MAGI2: variants seen among roughly 807,000 people sequenced by gnomAD.
MAGI2 encodes the protein membrane-associated guanylate kinase, WW and PDZ domain-containing protein 2.
Under a neutral mutation model 133.3 loss-of-function variants are expected in MAGI2, and 35 were observed. The observed-to-expected ratio is 0.26, with a 90% CI of 0.20 to 0.35. The LOEUF is 0.35. Among genes scored for constraint, MAGI2 ranks in the 10% least tolerant of loss-of-function variants. MAGI2 has a pLI of 1.00. For synonymous variants in MAGI2, 729 were observed against 710.6 expected, an observed-to-expected ratio of 1.03 and a Z score of -0.41; for missense variants, 1,636 against 1,863.4, an observed-to-expected ratio of 0.88 and a Z score of 2.25.
chr7:79,070,116 G>T (rs1018798451), intron 1 of MAGI2, among the ~76,000 whole-genome samples: 1 of 151,882 alleles, frequency 6.6e-6, no homozygotes, highest in African/African-American at 2.4e-5. Flanking sequence ...TATCTTTGTC[G>T]TGTTCTCTGT....
intron 2 of MAGI2, among the ~76,000 whole-genome samples, chr7:78,868,847 G>A (rs573394438): frequency 5.9e-5 from 9 of 152,008 alleles, no homozygotes; most frequent in Non-Finnish European, 8.8e-5. Context: ...TCCGCCTCCC[G>A]GGTTCACACC....
chr7:78,932,212 T>A (rs1800186437), intron 2 of MAGI2, among the ~76,000 whole-genome samples: 1 of 152,252 alleles, frequency 6.6e-6, no homozygotes, highest in African/African-American at 2.4e-5. Context: ...GGCCAAGACC[T>A]ATGTGCATTA....
At position 78,135,211 on chromosome 7, in the gene MAGI2, A is replaced by T. The variant is rs1305564951; in HGVS notation, c.2846-5T>A. 1.9e-6 allele frequency: 3 copies of T among 1,613,502 alleles called. No homozygotes were observed. The highest frequency in any genetic ancestry group is 1.7e-6 in the Non-Finnish European group (2 of 1,179,618). On this transcript the variant is annotated splice_region_variant and splice_polypyrimidine_tract_variant and intron_variant, in intron 16 of 21. Transcript: ENST00000354212. ...GTCCGATTTTATGGGGCACAGCTAA[A>T]AAAACCCCAACAGAAATAGGTATCA...
At chr7:78,621,486 C>T (rs936332422) in intron 3 of MAGI2, among the ~76,000 whole-genome samples, 2 of 151,930 alleles carry the variant, frequency 1.3e-5, no homozygotes, top group African/African-American at 4.8e-5. Flanking sequence ...AAAAGAGTCC[C>T]TTTACCAACA....
intron 1 of MAGI2, among the ~76,000 whole-genome samples, chr7:79,023,287 C>G (rs1809531874): frequency 6.6e-6 from 1 of 152,044 alleles, no homozygotes; most frequent in African/African-American, 2.4e-5. Flanking sequence ...ATTCAACATC[C>G]ATTCATTTAA....
Position 78,018,940 on chromosome 7 carries a change from A to G in MAGI2, c.*375T>C. 1 of 394,786 alleles carries G rather than the reference A, an allele frequency of 2.5e-6. No individual in the cohort carries two copies. 24.5% of individuals were successfully genotyped at this position (394,786 alleles called of 1,614,324 possible). A position where few individuals can be genotyped will look rare whatever the true frequency, so the allele number is the denominator to read the frequency against. On this transcript the variant is annotated 3_prime_UTR_variant, in exon 22 of 22. Coordinates refer to ENST00000354212, the MANE Select transcript of MAGI2 (RefSeq NM_012301.4). ...ATATTCCAGTTTGTGATTGCTCTTA[A>G]CTTTGTCCTGTTTCTTGATATAAAG...
intron 2 of MAGI2, among the ~76,000 whole-genome samples, chr7:78,635,695 C>G (rs908561007): frequency 2.0e-5 from 3 of 152,170 alleles, no homozygotes; most frequent in Non-Finnish European, 4.4e-5. Flanking sequence ...GGGTGACTTC[C>G]TCTGTATTTG....
chr7:79,280,102 T>C (rs1835518343), intron 1 of MAGI2, among the ~76,000 whole-genome samples: 1 of 152,190 alleles, frequency 6.6e-6, no homozygotes, highest in Non-Finnish European at 1.5e-5. Context: ...CATAGCTACA[T>C]GATGTAGGAT....
intron 2 of MAGI2, among the ~76,000 whole-genome samples, chr7:78,912,339 T>C (rs897441077): frequency 1.1e-4 from 16 of 152,112 alleles, no homozygotes; most frequent in African/African-American, 2.9e-4. Context: ...GCTGAGTTGG[T>C]GTGATGGTTA....
intron 10 of MAGI2, among the ~76,000 whole-genome samples, chr7:78,218,331 T>A (rs1788468311): frequency 6.6e-6 from 1 of 152,248 alleles, no homozygotes; most frequent in Non-Finnish European, 1.5e-5. Flanking sequence ...TGACAATCAC[T>A]AGAAGTGATG....
intron 10 of MAGI2, among the ~76,000 whole-genome samples, chr7:78,226,919 G>A (rs1789444997): frequency 1.3e-5 from 2 of 152,184 alleles, no homozygotes. Flanking sequence ...AGATGTGAAT[G>A]CCAATAATTG....
intron 10 of MAGI2, among the ~76,000 whole-genome samples, chr7:78,221,428 T>C (rs1488940015): frequency 1.3e-5 from 2 of 152,196 alleles, no homozygotes; most frequent in Non-Finnish European, 2.9e-5. Flanking sequence ...CAGAACTGTT[T>C]AGAGAACTAG....
chr7:78,545,301 T>C (rs1290285266), intron 3 of MAGI2, among the ~76,000 whole-genome samples: 1 of 148,926 alleles, frequency 6.7e-6, no homozygotes, highest in Non-Finnish European at 1.5e-5. Flanking sequence ...CAAACTCCAC[T>C]TCTCAGGTTC....
chr7:78,250,986 C>T (rs1027347225), intron 10 of MAGI2, among the ~76,000 whole-genome samples: 4 of 151,956 alleles, frequency 2.6e-5, no homozygotes, highest in Non-Finnish European at 5.9e-5. Context: ...AAATCTTTAA[C>T]AAAATATGAG....
chr7:79,178,922 C>G (rs1017858949), intron 1 of MAGI2, among the ~76,000 whole-genome samples: 7 of 151,862 alleles, frequency 4.6e-5, no homozygotes, highest in African/African-American at 1.7e-4. Flanking sequence ...ACTAATCCAG[C>G]ATGTCTACAT....
At chr7:78,435,484 A>G (rs1163078715) in intron 6 of MAGI2, among the ~76,000 whole-genome samples, 1 of 152,080 alleles carries the variant, frequency 6.6e-6, no homozygotes, top group Non-Finnish European at 1.5e-5. Flanking sequence ...CCTTTTAGTC[A>G]TCTCCAGCTG....
chr7:78,509,094 T>C, intron 4 of MAGI2, among the ~76,000 whole-genome samples: 1 of 152,132 alleles, frequency 6.6e-6, no homozygotes, highest in East Asian at 1.9e-4. Context: ...CCCATTGCGT[T>C]TCTGTGTCTC....
chr7:78,088,847 C>A (rs1816901690), intron 20 of MAGI2, among the ~76,000 whole-genome samples: 1 of 152,190 alleles, frequency 6.6e-6, no homozygotes, highest in African/African-American at 2.4e-5. Context: ...AAGGATTTTG[C>A]AGATGTGCTT....
intron 4 of MAGI2, among the ~76,000 whole-genome samples, chr7:78,514,442 A>G (rs1795872078): frequency 6.6e-6 from 1 of 152,210 alleles, no homozygotes; most frequent in Non-Finnish European, 1.5e-5. Flanking sequence ...GGTCATTTAT[A>G]GATGGAATAT....
Sources: gnomAD v4.1 joint callset for allele counts (sites outside exome capture counted in the v4.1 genomes callset) on GRCh38, gnomAD v4.1.1 for gene constraint, MANE v1.5 for transcripts, NCBI Gene and HGNC (gene_info 2026-07-23, HGNC 2026-07-21) for gene names.